TRPC4AP: variants seen among roughly 807,000 people sequenced by gnomAD.
TRPC4AP encodes short transient receptor potential channel 4-associated protein.
TRPC4AP carries 45 observed loss-of-function variants against 99.0 expected under a neutral mutation model. The observed-to-expected ratio is 0.45, with a 90% CI of 0.36 to 0.58. TRPC4AP has a LOEUF of 0.58. TRPC4AP is among the 20% of genes least tolerant of loss of function. The probability of loss-of-function intolerance (pLI) is 0.00; values close to 1 mark genes in which losing one functional copy is unlikely to be tolerated. For missense variants in TRPC4AP, 879 were observed against 985.3 expected, an observed-to-expected ratio of 0.89 and a Z score of 1.44; for synonymous variants, 408 against 385.8, an observed-to-expected ratio of 1.06 and a Z score of -0.67.
At chr20:35,078,829 G>T (rs554340394) in intron 1 of TRPC4AP, among the ~76,000 whole-genome samples, 53 of 152,342 alleles carry the variant, frequency 3.5e-4, no homozygotes, top group African/African-American at 1.3e-3. Flanking sequence ...ACTTTGGGAA[G>T]CCGAGGCAGG....
At chr20:35,066,403 G>A (rs980406971) in intron 3 of TRPC4AP, among the ~76,000 whole-genome samples, 3 of 152,024 alleles carry the variant, frequency 2.0e-5, no homozygotes, top group Non-Finnish European at 2.9e-5. Context: ...CACTGTACCT[G>A]GCCATGAGTA....
At chr20:35,006,681 G>C in intron 14 of TRPC4AP, 106 bp from the exon 15 acceptor site, 1 of 1,426,728 alleles carries the variant, frequency 7.0e-7, no homozygotes, top group African/African-American at 1.4e-5. Flanking sequence ...CCTGGGGATG[G>C]AACTGGCAAC....
chr20:35,075,011 T>C (rs1306899675), intron 2 of TRPC4AP, among the ~76,000 whole-genome samples: 1 of 152,228 alleles, frequency 6.6e-6, no homozygotes, highest in Non-Finnish European at 1.5e-5. Flanking sequence ...TTTACCATTA[T>C]GTAATGGCCT....
At chr20:35,031,720 G>C (rs1346869094) in intron 8 of TRPC4AP, among the ~76,000 whole-genome samples, 2 of 151,764 alleles carry the variant, frequency 1.3e-5, no homozygotes, top group Non-Finnish European at 2.9e-5. Flanking sequence ...ATCTTGGTGT[G>C]CTTAATAGTG....
At chr20:35,009,884 C>T (rs2082593698) in intron 12 of TRPC4AP, among the ~76,000 whole-genome samples, 1 of 152,216 alleles carries the variant, frequency 6.6e-6, no homozygotes, top group Non-Finnish European at 1.5e-5. Context: ...GGGCTGAATG[C>T]ACGAGACAAG....
In TRPC4AP at chr20:35,007,652, A is replaced by C; in HGVS notation, c.1596-12T>G. ...GAGCTTGCCAAAACCTGCGACCCAA[A>C]TACTGGCTCAGGTGGCTAAGGCTGC... On this transcript the variant is annotated splice_polypyrimidine_tract_variant and intron_variant, in intron 13 of 18. Coordinates refer to ENST00000252015, the MANE Select transcript of TRPC4AP (RefSeq NM_015638.3). The C allele has an allele frequency of 6.2e-7, 1 of 1,614,140 alleles. No homozygotes were observed. Among genetic ancestry groups the C allele is most frequent in the East Asian group, 2.2e-5 (1 of 44,890 alleles).
rs374852604 is a variant in TRPC4AP, at chr20:35,003,386, C to A, written c.2256+24G>T. 7 of 1,533,618 alleles carry A rather than the reference C, an allele frequency of 4.6e-6. No individual in the cohort carries two copies. In the African/African-American group the frequency reaches 7.1e-5, roughly 16 times the overall value. On this transcript the variant is annotated intron_variant, in intron 18 of 18. Coordinates refer to ENST00000252015, the MANE Select transcript of TRPC4AP (RefSeq NM_015638.3). ...CCCTGGGTCCGCGGCCCACCCATCACCCCCTTGAGGGTGGGGCACTCACGT... is the reference window on the plus strand; with the variant it reads ...CCCTGGGTCCGCGGCCCACCCATCAACCCCTTGAGGGTGGGGCACTCACGT...
At chr20:35,085,609 T>TAAA (rs71196788) in intron 1 of TRPC4AP, among the ~76,000 whole-genome samples, 4,717 of 137,522 alleles carry the variant, frequency 0.034, 283 homozygotes, top group African/African-American at 0.12. Flanking sequence ...AGACCCTGTC[T>TAAA]AAAAAAAAAA....
chr20:35,069,486 A>C, intron 2 of TRPC4AP, 74 bp from the exon 3 acceptor site: 2 of 945,460 alleles, frequency 2.1e-6, no homozygotes, highest in Non-Finnish European at 3.4e-6. Context: ...CATCAGTTTG[A>C]GCTTTAGTCC....
At chr20:35,011,238 T>C (rs755454966) in intron 11 of TRPC4AP, among the ~76,000 whole-genome samples, 7 of 152,018 alleles carry the variant, frequency 4.6e-5, no homozygotes, top group East Asian at 1.9e-4. Context: ...GCCTGGGCAA[T>C]AGAGCAAGAT....
Position 35,023,024 on chromosome 20 carries a change from C to CA in TRPC4AP, c.1052-1669dup, listed in dbSNP as rs11475714. Among the ~76,000 whole-genome samples, 330 of 135,116 alleles carry CA rather than the reference C, an allele frequency of 2.4e-3. 1 individual carries two copies. Among genetic ancestry groups the CA allele is most frequent in the East Asian group, 5.8e-3 (27 of 4,616 alleles). The allele number at this position is 135,116 out of a possible 152,430, so 88.6% of individuals were successfully genotyped here. A position where few individuals can be genotyped will look rare whatever the true frequency, so the allele number is the denominator to read the frequency against. On this transcript the variant is annotated intron_variant, in intron 8 of 18. Transcript: ENST00000252015. The stretch of plus-strand genomic sequence containing the variant: ...CCTGGGCGACAGAGCTGGACTGTCT[C>CA]AAAAAAAAAAAAAAAAGAGAGAATC...
chr20:35,004,541 GCAGGCGGCATT>G lies in TRPC4AP; in HGVS notation c.1955_1965del (p.Glu652AlafsTer126). On this transcript the variant is annotated frameshift_variant, in exon 17 of 19. Coordinates refer to ENST00000252015, the MANE Select transcript of TRPC4AP (RefSeq NM_015638.3). LOFTEE classifies it high-confidence loss of function. ...GTGGGCACCTGGGATATGTAGGCGA[GCAGGCGGCATT>G]CAGACAGTACCTCGGCAACTGTGGA... 6.2e-7 allele frequency: 1 copy of G among 1,614,076 alleles called. No homozygotes were observed. The highest frequency in any genetic ancestry group is 8.5e-7 in the Non-Finnish European group (1 of 1,179,964).
At chr20:35,080,543 A>AC (rs61653757) in intron 1 of TRPC4AP, among the ~76,000 whole-genome samples, 26,104 of 146,914 alleles carry the variant, frequency 0.18, 2,437 homozygotes, top group Middle Eastern at 0.33. Flanking sequence ...CTAAAAAAAA[A>AC]AAAAAAAAAA....
chr20:35,057,475 G>A (rs775009909), intron 4 of TRPC4AP, 39 bp downstream of exon 4: 2 of 1,566,556 alleles, frequency 1.3e-6, no homozygotes, highest in South Asian at 2.3e-5. Flanking sequence ...GTATCGGCAG[G>A]TTGGAAAACA....
Position 35,003,527 on chromosome 20 carries a change from C to T in TRPC4AP, c.2139G>A (p.Gln713=). 2 of 1,613,918 alleles carry T rather than the reference C, an allele frequency of 1.2e-6. No homozygotes were observed. The highest frequency in any genetic ancestry group is 1.1e-5 in the South Asian group (1 of 91,088). ...ERLPLYLRLL[Q]RMEHSKKYPG... ...GGTACTTCTTGCTGTGCTCCATCCG[C>T]TGCAGCAGCCGCAGGTACAGGGGCA... The change falls in exon 18 of 19, where the codon CAG becomes CAA. Residue 713 remains glutamine (Q), a synonymous_variant. Coordinates refer to ENST00000252015, the MANE Select transcript of TRPC4AP (RefSeq NM_015638.3).
rs185638282 is a variant in TRPC4AP at position 35,053,929 on chromosome 20, C to T, written c.528+1047G>A. ...CAGCACTATTATAGATGCTGAATTA[C>T]GTAAGTGTTCAAACATATTCCCCTA... is the stretch of plus-strand genomic sequence containing the variant. On this transcript the variant is annotated intron_variant, in intron 5 of 18. Transcript: ENST00000252015. Among the ~76,000 whole-genome samples, 50 of 152,292 alleles carry T rather than the reference C, an allele frequency of 3.3e-4. 1 individual carries two copies. The highest frequency in any genetic ancestry group is 1.2e-3 in the Admixed American group (19 of 15,298).
chr20:35,036,566 T>C (rs531179606), intron 7 of TRPC4AP, among the ~76,000 whole-genome samples: 3 of 152,308 alleles, frequency 2.0e-5, no homozygotes, highest in South Asian at 4.1e-4. Flanking sequence ...CACTGAAATA[T>C]ATGCAGGTGA....
intron 8 of TRPC4AP, among the ~76,000 whole-genome samples, chr20:35,029,268 A>G (rs976753857): frequency 6.6e-6 from 1 of 152,172 alleles, no homozygotes; most frequent in African/African-American, 2.4e-5. Flanking sequence ...TTAAAAGTAC[A>G]GCCTCTCCAG....
intron 9 of TRPC4AP, among the ~76,000 whole-genome samples, chr20:35,018,262 T>G (rs564103127): frequency 6.6e-6 from 1 of 152,272 alleles, no homozygotes; most frequent in African/African-American, 2.4e-5. Flanking sequence ...TGCTTAGGTT[T>G]GAGGTTTCTA....
Sources: allele counts gnomAD v4.1 joint callset (sites outside exome capture counted in the v4.1 genomes callset), GRCh38; gene constraint gnomAD v4.1.1; transcripts MANE v1.5; gene names NCBI Gene and HGNC (gene_info 2026-07-23, HGNC 2026-07-21).